RGS6: variants seen among roughly 807,000 people sequenced by gnomAD.
The protein encoded by RGS6 is regulator of G protein signaling 6, also known as regulator of G-protein signaling 6.
A neutral mutation model predicts 78.5 loss-of-function variants in RGS6; 30 were observed. The observed-to-expected ratio is 0.38, with a 90% CI of 0.29 to 0.52. The LOEUF is 0.52. Ranked by LOEUF, RGS6 falls within the 20% of genes least tolerant of loss-of-function variation. The pLI is 0.85. For missense variants in RGS6, 495 were observed against 609.7 expected (o/e 0.81, Z 1.98); for synonymous variants, 206 against 206.0 (o/e 1.00, Z 0.00).
chr14:72,415,429 T>G (rs117605676), intron 3 of RGS6, among the ~76,000 whole-genome samples: 1 of 152,238 alleles, frequency 6.6e-6, no homozygotes, highest in Non-Finnish European at 1.5e-5. Context: ...TTTTCTGGGT[T>G]CCGTCTGTCA....
chr14:72,014,657 G>A (rs10162553), intron 2 of RGS6, among the ~76,000 whole-genome samples: 5,168 of 152,244 alleles, frequency 0.034, 278 homozygotes, highest in African/African-American at 0.12. Flanking sequence ...TGATGAAATA[G>A]TCCAAGCCTA....
intron 2 of RGS6, among the ~76,000 whole-genome samples, chr14:72,345,155 C>T (rs2077774217): frequency 1.3e-5 from 2 of 152,116 alleles, no homozygotes; most frequent in South Asian, 4.2e-4. Flanking sequence ...AGCTGTTCCC[C>T]CTCCCCCTCC....
At chr14:72,455,270 T>C (rs970688847) in intron 4 of RGS6, among the ~76,000 whole-genome samples, 2 of 152,246 alleles carry the variant, frequency 1.3e-5, no homozygotes, top group African/African-American at 4.8e-5. Context: ...AACTGAGTAT[T>C]CTTGATGCCT....
the RGS6 span, among the ~76,000 whole-genome samples, chr14:71,925,098 G>A: frequency 2.6e-5 from 4 of 151,852 alleles, no homozygotes; most frequent in Non-Finnish European, 2.9e-5. Flanking sequence ...CTTTTTTTAT[G>A]ATAGCTATTC....
At chr14:72,379,298 T>G (rs1169280616) in intron 3 of RGS6, among the ~76,000 whole-genome samples, 2 of 152,074 alleles carry the variant, frequency 1.3e-5, no homozygotes, top group South Asian at 4.1e-4. Flanking sequence ...ACTCTTACCA[T>G]TCTTATTCAA....
intron 2 of RGS6, among the ~76,000 whole-genome samples, chr14:72,256,912 A>T (rs1025344211): frequency 6.6e-6 from 1 of 152,158 alleles, no homozygotes; most frequent in Admixed American, 6.5e-5. Flanking sequence ...AGTGATGTTG[A>T]GATTGGGGCT....
chr14:72,218,862 G>A (rs894858098), intron 2 of RGS6, among the ~76,000 whole-genome samples: 3 of 151,926 alleles, frequency 2.0e-5, no homozygotes, highest in Admixed American at 2.0e-4. Flanking sequence ...CACCCACCTT[G>A]GCCTTCCAAA....
At chr14:72,126,876 T>C (rs1393113534) in intron 2 of RGS6, among the ~76,000 whole-genome samples, 4 of 152,180 alleles carry the variant, frequency 2.6e-5, no homozygotes, top group African/African-American at 9.7e-5. Flanking sequence ...CCACCACTAC[T>C]TCCTTTAAAC....
At chr14:72,574,652 G>A in the RGS6 span, among the ~76,000 whole-genome samples, 48 of 152,334 alleles carry the variant, frequency 3.2e-4, no homozygotes, top group Middle Eastern at 3.4e-3. Context: ...ATACAGATAC[G>A]TAACCAACCT....
At chr14:72,266,976 C>G (rs1272942450) in intron 2 of RGS6, among the ~76,000 whole-genome samples, 3 of 148,914 alleles carry the variant, frequency 2.0e-5, no homozygotes, top group South Asian at 2.2e-4. Flanking sequence ...TACCCATGAG[C>G]TAAGCACGAT....
chr14:72,514,316 C>G (rs539866234), intron 14 of RGS6, among the ~76,000 whole-genome samples: 73 of 152,300 alleles, frequency 4.8e-4, no homozygotes, highest in African/African-American at 1.6e-3. Flanking sequence ...ATTTTCTAAC[C>G]CATGAAAATT....
intron 2 of RGS6, among the ~76,000 whole-genome samples, chr14:72,250,468 C>A (rs2055460805): frequency 6.8e-6 from 1 of 146,504 alleles, no homozygotes; most frequent in Non-Finnish European, 1.5e-5. Flanking sequence ...AAAAGAAGTC[C>A]ATTTAGTCTG....
chr14:72,046,288 C>A (rs192964251), intron 2 of RGS6, among the ~76,000 whole-genome samples: 1 of 150,538 alleles, frequency 6.6e-6, no homozygotes, highest in African/African-American at 2.5e-5. Context: ...CACATACACA[C>A]ACCTCTCATT....
At chr14:71,946,552 C>T (rs1396501700) in intron 1 of RGS6, among the ~76,000 whole-genome samples, 1 of 152,032 alleles carries the variant, frequency 6.6e-6, no homozygotes, top group Non-Finnish European at 1.5e-5. Context: ...AGAAGGAAAA[C>T]AAATGGAGAG....
At chr14:72,261,115 G>A (rs2058073342) in intron 2 of RGS6, among the ~76,000 whole-genome samples, 1 of 152,206 alleles carries the variant, frequency 6.6e-6, no homozygotes, top group South Asian at 2.1e-4. Flanking sequence ...ACTTGGAATA[G>A]AGGGTCCATG....
At chr14:72,579,176 T>G in the RGS6 span, among the ~76,000 whole-genome samples, 8 of 152,002 alleles carry the variant, frequency 5.3e-5, no homozygotes, top group Non-Finnish European at 8.8e-5. Flanking sequence ...TGGCCTATCC[T>G]AAGGAGAAGG....
intron 2 of RGS6, among the ~76,000 whole-genome samples, chr14:72,206,222 C>T (rs1376866732): frequency 3.3e-5 from 5 of 151,990 alleles, no homozygotes; most frequent in African/African-American, 1.2e-4. Context: ...CCCAGAACTT[C>T]GGGAGGCCAA....
intron 1 of RGS6, among the ~76,000 whole-genome samples, chr14:71,944,503 G>A (rs1441153921): frequency 6.6e-6 from 1 of 152,102 alleles, no homozygotes; most frequent in African/African-American, 2.4e-5. Flanking sequence ...GAGATGATAG[G>A]AATAAATAGA....
At chr14:72,104,332 T>C (rs1187314475) in intron 2 of RGS6, among the ~76,000 whole-genome samples, 1 of 152,246 alleles carries the variant, frequency 6.6e-6, no homozygotes, top group Non-Finnish European at 1.5e-5. Context: ...GAGTGATATA[T>C]TTCCCTTTTA....
Sources: allele counts gnomAD v4.1 joint callset (sites outside exome capture counted in the v4.1 genomes callset), GRCh38; gene constraint gnomAD v4.1.1; transcripts MANE v1.5; gene names NCBI Gene and HGNC (gene_info 2026-07-23, HGNC 2026-07-21).